Variants in CERS4 observed in about 807,000 individuals in gnomAD.
The protein encoded by CERS4 is LAG1 homolog, ceramide synthase 4.
In CERS4, 65 loss-of-function variants were observed where a neutral mutation model predicts 51.8. The observed-to-expected ratio is 1.26, with a 90% confidence interval of 1.03 to 1.54. CERS4 has a LOEUF of 1.54. CERS4 is among the 40% of genes most tolerant of loss of function. The probability of loss-of-function intolerance (pLI) is 0.00; values close to 1 mark genes in which losing one functional copy is unlikely to be tolerated. For missense variants in CERS4, 563 were observed against 500.4 expected, an observed-to-expected ratio of 1.13 and a Z score of -1.19; for synonymous variants, 228 against 208.4, an observed-to-expected ratio of 1.09 and a Z score of -0.81.
intron 2 of CERS4, among the ~76,000 whole-genome samples, chr19:8,250,308 C>T (rs1437092438): frequency 6.6e-6 from 1 of 152,120 alleles, no homozygotes; most frequent in Admixed American, 6.6e-5. Flanking sequence ...GCAGCCACTC[C>T]CTTGACTTCT....
chr19:8,223,478 G>A (rs1238277086), intron 2 of CERS4, among the ~76,000 whole-genome samples: 1 of 151,998 alleles, frequency 6.6e-6, no homozygotes, highest in African/African-American at 2.4e-5. Flanking sequence ...AAGTAGCTGG[G>A]CATGGTTGCA....
intron 2 of CERS4, among the ~76,000 whole-genome samples, chr19:8,228,724 T>TAAAA (rs72528600): frequency 1.3e-5 from 2 of 150,112 alleles, no homozygotes; most frequent in African/African-American, 4.9e-5. Flanking sequence ...CCACTCCTTA[T>TAAAA]AAAAAAAAAT....
At chr19:8,260,471 G>A (rs1416344709) in intron 10 of CERS4, among the ~76,000 whole-genome samples, 1 of 148,886 alleles carries the variant, frequency 6.7e-6, no homozygotes, top group Non-Finnish European at 1.5e-5. Flanking sequence ...CTCCCAAAGT[G>A]CTGGGATTAC....
At chr19:8,212,774 G>C (rs898167609) in intron 2 of CERS4, among the ~76,000 whole-genome samples, 2 of 151,044 alleles carry the variant, frequency 1.3e-5, no homozygotes, top group African/African-American at 2.4e-5. Context: ...GAGTAGCTGG[G>C]ATTACAGGTG....
intron 2 of CERS4, among the ~76,000 whole-genome samples, chr19:8,213,794 C>T (rs1241417753): frequency 6.6e-6 from 1 of 151,958 alleles, no homozygotes; most frequent in African/African-American, 2.4e-5. Context: ...AGTGAAACCC[C>T]GTCTCTACTA....
chr19:8,256,584 T>TC (rs1178427615), intron 7 of CERS4, 34 bp from the exon 8 acceptor site: 1 of 1,584,814 alleles, frequency 6.3e-7, no homozygotes, highest in Admixed American at 1.9e-5. Flanking sequence ...GAGCCTTCGC[T>TC]CCCCACAGCT....
intron 3 of CERS4, among the ~76,000 whole-genome samples, chr19:8,253,949 A>G (rs892452704): frequency 1.3e-5 from 2 of 152,062 alleles, no homozygotes; most frequent in Non-Finnish European, 2.9e-5. Context: ...GAGGCCAGGA[A>G]TAAGTGGAAA....
intron 2 of CERS4, among the ~76,000 whole-genome samples, chr19:8,247,970 A>G (rs550818385): frequency 1.4e-4 from 21 of 151,286 alleles, no homozygotes; most frequent in South Asian, 1.3e-3. Context: ...CTGACCTCAG[A>G]TGATCCACCC....
chr19:8,237,002 C>CAT (rs1555775485), intron 2 of CERS4, among the ~76,000 whole-genome samples: 2 of 44,966 alleles, frequency 4.4e-5, no homozygotes, highest in African/African-American at 1.5e-4. Context: ...GACTCTGTCT[C>CAT]AAAAAAAAAA....
At chr19:8,228,105 C>A (rs1402525263) in intron 2 of CERS4, among the ~76,000 whole-genome samples, 1 of 152,066 alleles carries the variant, frequency 6.6e-6, no homozygotes, top group Non-Finnish European at 1.5e-5. Context: ...CATGATCCGT[C>A]CATTTCGGCC....
chr19:8,231,851 A>ATTTTTTGTTTTTTTT (rs1968019610), intron 2 of CERS4, among the ~76,000 whole-genome samples: 1 of 104,424 alleles, frequency 9.6e-6, no homozygotes, highest in African/African-American at 4.2e-5. Context: ...TGTGCCCAGC[A>ATTTTTTGTTTTTTTT]TTTTTTTTTT....
chr19:8,233,197 G>C (rs895111095), intron 2 of CERS4, among the ~76,000 whole-genome samples: 1 of 151,734 alleles, frequency 6.6e-6, no homozygotes, highest in Non-Finnish European at 1.5e-5. Flanking sequence ...GCGGAGTCTT[G>C]CTCTGTCACC....
At chr19:8,260,723 A>G (rs1317969237) in intron 10 of CERS4, among the ~76,000 whole-genome samples, 1 of 151,420 alleles carries the variant, frequency 6.6e-6, no homozygotes, top group African/African-American at 2.4e-5. Flanking sequence ...GCTGAGGTGA[A>G]CAGATCACTT....
intron 2 of CERS4, among the ~76,000 whole-genome samples, chr19:8,212,158 A>AGCCAGCCT (rs1228616446): frequency 1.3e-5 from 2 of 152,154 alleles, no homozygotes; most frequent in Non-Finnish European, 2.9e-5. Flanking sequence ...AGAAGGGCAG[A>AGCCAGCCT]GCCAGCCTGC....
At chr19:8,249,970 T>G (rs1568528448) in intron 2 of CERS4, among the ~76,000 whole-genome samples, 1 of 151,834 alleles carries the variant, frequency 6.6e-6, no homozygotes, top group Non-Finnish European at 1.5e-5. Context: ...TTCCTGGACG[T>G]TTGAGGACTC....
intron 2 of CERS4, among the ~76,000 whole-genome samples, chr19:8,236,291 G>A (rs1235726951): frequency 1.3e-5 from 2 of 152,172 alleles, no homozygotes; most frequent in Admixed American, 1.3e-4. Context: ...AGTTCAAATC[G>A]AGAAAGACGT....
At position 8,255,813 on chromosome 19, in the gene CERS4, C is replaced by T. The variant is rs778674975; in HGVS notation, c.411-9C>T. On this transcript the variant is annotated splice_polypyrimidine_tract_variant and intron_variant, in intron 5 of 11. Transcript: ENST00000251363. ...TCTGCTATTTTCACAGCTCCCTCCC[C>T]ATCCACAGCTGGAGGTTTCTCTTCT... 3 of 1,613,992 alleles carry T rather than the reference C, an allele frequency of 1.9e-6. No individual in the cohort carries two copies. The highest frequency in any genetic ancestry group is 3.3e-5 in the Admixed American group (2 of 60,012).
In CERS4 at chr19:8,254,515, C is replaced by T. The variant is rs141101522; in HGVS notation, c.190C>T (p.Leu64=). Residue 64 remains leucine (L), a synonymous_variant, in exon 4 of 12, where the codon CTG becomes TTG. Coordinates refer to ENST00000251363, the MANE Select transcript of CERS4 (RefSeq NM_024552.3). ...TGCACCCAGATTCATTGGCCTGCCCCTGAGCCGGTGGCTGGGTGTGAGGGA... is the reference window on the plus strand; with the variant it reads ...TGCACCCAGATTCATTGGCCTGCCCTTGAGCCGGTGGCTGGGTGTGAGGGA... The part of the protein sequence containing the change: ...LAFERFIGLP[L]SRWLGVRDQT... 1 of 1,613,552 alleles carries T rather than the reference C, an allele frequency of 6.2e-7. No individual in the cohort carries two copies. Among genetic ancestry groups the T allele is most frequent in the African/African-American group, 1.3e-5 (1 of 74,902 alleles).
At position 8,261,787 on chromosome 19, in the gene CERS4, C is replaced by T. The variant is rs928642443; in HGVS notation, c.948C>T (p.His316=). 4.3e-6 allele frequency: 7 copies of T among 1,614,068 alleles called. No homozygotes were observed. In the African/African-American group the frequency reaches 5.3e-5, roughly 12 times the overall value. ...TTCTGATGTTGCTGCAGCTGCTGCA[C>T]GTGTTCTGGTCTTGCCTCATTCTGC... The part of the protein sequence containing the change: ...NGLLMLLQLL[H]VFWSCLILRM... The change falls in exon 11 of 12, where the codon CAC becomes CAT. Residue 316 remains histidine (H), a synonymous_variant. Transcript: ENST00000251363.
Sources: gnomAD v4.1 joint callset for allele counts (sites outside exome capture counted in the v4.1 genomes callset) on GRCh38, gnomAD v4.1.1 for gene constraint, MANE v1.5 for transcripts, NCBI Gene and HGNC (gene_info 2026-07-23, HGNC 2026-07-21) for gene names.